RARB: variants seen among roughly 807,000 people sequenced by gnomAD.
The protein encoded by RARB is retinoic acid receptor beta, also known as HBV-activated protein.
A neutral mutation model predicts 51.9 loss-of-function variants in RARB; 17 were observed. The ratio of observed to expected loss-of-function variants is 0.33; its 90% CI spans 0.22 to 0.49. The LOEUF (loss-of-function observed/expected upper bound fraction) is 0.49. Ranked by LOEUF, RARB falls within the 20% of genes least tolerant of loss-of-function variation. The pLI is 0.99. For synonymous variants in RARB, 215 were observed against 195.4 expected (o/e 1.10, Z -0.84); for missense variants, 369 against 550.8 (o/e 0.67, Z 3.30).
Position 25,596,535 on chromosome 3 carries a change from G to C in RARB, c.1266G>C (p.Gly422=), listed in dbSNP as rs1701840046. Residue 422 remains glycine (G), a synonymous_variant, in exon 8 of 8, where the codon GGG becomes GGC. Transcript: ENST00000330688. The stretch of plus-strand genomic sequence containing the variant: ...AACCCTTGACCCCAAGTTCAAGTGG[G>C]AACACAGCAGAGCACAGTCCTAGCA... ...GHEPLTPSSS[G]NTAEHSPSIS... 6.2e-7 allele frequency: 1 copy of C among 1,613,778 alleles called. No homozygotes were observed. Among genetic ancestry groups the C allele is most frequent in the Non-Finnish European group, 8.5e-7 (1 of 1,179,764 alleles).
At chr3:25,477,295 C>T (rs1368351508) in intron 2 of RARB, among the ~76,000 whole-genome samples, 2 of 152,228 alleles carry the variant, frequency 1.3e-5, no homozygotes, top group Non-Finnish European at 2.9e-5. Context: ...TGCCATGCTG[C>T]TCTTGGGCAT....
intron 3 of RARB, among the ~76,000 whole-genome samples, chr3:25,502,644 C>T (rs966263908): frequency 2.6e-5 from 4 of 152,106 alleles, no homozygotes; most frequent in African/African-American, 7.2e-5. Flanking sequence ...ATGTTCCAGC[C>T]GCATGCGTGA....
chr3:25,142,285 G>C (rs902512752), intron 4 of RARB, among the ~76,000 whole-genome samples: 4 of 152,154 alleles, frequency 2.6e-5, no homozygotes, highest in South Asian at 2.1e-4. Flanking sequence ...AGTTAACCTA[G>C]ATCGTGCCAC....
chr3:24,875,360 A>C (rs2125352461), intron 2 of RARB, among the ~76,000 whole-genome samples: 1 of 152,252 alleles, frequency 6.6e-6, no homozygotes, highest in East Asian at 1.9e-4. Flanking sequence ...ACAGTAATTT[A>C]GCATTCTGGC....
In RARB at chr3:25,428,900, T is replaced by C; in HGVS notation, c.157+12T>C. On this transcript the variant is annotated intron_variant, in intron 1 of 7. Transcript: ENST00000330688. ...GCACACTGCTCAATGTAGGTTTATT[T>C]TTTTCCCTTCTTCTACCAAGAAAAA... 6.3e-7 allele frequency: 1 copy of C among 1,585,778 alleles called. No homozygotes were observed. The highest frequency in any genetic ancestry group is 1.1e-5 in the South Asian group (1 of 88,210).
At chr3:25,143,395 C>T (rs1359451247) in intron 4 of RARB, among the ~76,000 whole-genome samples, 1 of 152,168 alleles carries the variant, frequency 6.6e-6, no homozygotes, top group Non-Finnish European at 1.5e-5. Context: ...CTCTAGTACA[C>T]AACTTAGCCA....
rs1705808023 is a variant in RARB, at chr3:25,358,107, C to T, written c.179-103086C>T. On this transcript the variant is annotated intron_variant, in intron 5 of 11. Coordinates refer to the RARB transcript ENST00000383772. ...TATCACGATATTGATTCTTCCTATC[C>T]ATGAGCATGGAGTGTTTTTCCATTT... is the stretch of plus-strand genomic sequence containing the variant. Among the ~76,000 whole-genome samples the T allele has an allele frequency of 1.3e-5, 2 of 152,152 alleles. 1 individual carries two copies. The highest frequency in any genetic ancestry group is 4.1e-4 in the South Asian group (2 of 4,826).
intron 5 of RARB, among the ~76,000 whole-genome samples, chr3:25,330,420 C>T (rs1478764539): frequency 6.6e-6 from 1 of 152,094 alleles, no homozygotes; most frequent in Non-Finnish European, 1.5e-5. Flanking sequence ...AACTAAGCTT[C>T]ATAAGTGAAG....
rs115174113 is a variant in RARB at position 25,069,912 on chromosome 3, T to C, written c.-328+9736T>C. Among the ~76,000 whole-genome samples the C allele has an allele frequency of 6.8e-3, 1,039 of 152,308 alleles. 12 individuals are homozygous for C. Among genetic ancestry groups the C allele is most frequent in the African/African-American group, 0.022 (920 of 41,564 alleles). On this transcript the variant is annotated intron_variant, in intron 3 of 11. Transcript: ENST00000383772. ...ACACAGTGAGGCTGAATTGTCAGTG[T>C]AGTTTCCTAGGGCTGTCATGACGAA...
chr3:25,508,164 T>C (rs1360637865), intron 3 of RARB, among the ~76,000 whole-genome samples: 1 of 152,228 alleles, frequency 6.6e-6, no homozygotes, highest in Non-Finnish European at 1.5e-5. Context: ...AATAGAGCAA[T>C]TGAATAATCT....
At chr3:25,297,146 A>G (rs1393095988) in intron 5 of RARB, among the ~76,000 whole-genome samples, 1 of 152,204 alleles carries the variant, frequency 6.6e-6, no homozygotes, top group Non-Finnish European at 1.5e-5. Flanking sequence ...TGGTATGCAA[A>G]ATGGTATGTT....
At chr3:25,158,855 T>C (rs1700423180) in intron 4 of RARB, among the ~76,000 whole-genome samples, 1 of 152,116 alleles carries the variant, frequency 6.6e-6, no homozygotes, top group Admixed American at 6.5e-5. Flanking sequence ...GTTTTCTAGG[T>C]CCTCAGAGTT....
intron 5 of RARB, among the ~76,000 whole-genome samples, chr3:25,193,839 A>G (rs1398128427): frequency 6.6e-6 from 1 of 152,032 alleles, no homozygotes; most frequent in Non-Finnish European, 1.5e-5. Context: ...TTTATATGAC[A>G]TATACACTAT....
intron 5 of RARB, among the ~76,000 whole-genome samples, chr3:25,307,011 G>C (rs1704169357): frequency 6.6e-6 from 1 of 152,164 alleles, no homozygotes; most frequent in Non-Finnish European, 1.5e-5. Flanking sequence ...ACTAGTGCCA[G>C]AGACTTAAGT....
intron 2 of RARB, among the ~76,000 whole-genome samples, chr3:24,965,930 G>C (rs1282575861): frequency 6.6e-6 from 1 of 152,068 alleles, no homozygotes; most frequent in Non-Finnish European, 1.5e-5. Flanking sequence ...AAAGTAACGT[G>C]GTATTAGTGT....
At chr3:24,847,705 T>C (rs1279924007) in intron 1 of RARB, among the ~76,000 whole-genome samples, 1 of 152,218 alleles carries the variant, frequency 6.6e-6, no homozygotes, top group Non-Finnish European at 1.5e-5. Flanking sequence ...GCCACCATAA[T>C]TGTAGGCCAT....
At chr3:25,160,223 A>C (rs567966355) in intron 4 of RARB, among the ~76,000 whole-genome samples, 1 of 152,360 alleles carries the variant, frequency 6.6e-6, no homozygotes, top group East Asian at 1.9e-4. Flanking sequence ...CAGATAAATA[A>C]ATGACCTTAC....
intron 2 of RARB, among the ~76,000 whole-genome samples, chr3:24,927,768 ATGAC>A (rs1173210389): frequency 6.6e-6 from 1 of 152,066 alleles, no homozygotes; most frequent in Non-Finnish European, 1.5e-5. Flanking sequence ...TTAAAATAGA[ATGAC>A]TGAAGCCGAT....
chr3:25,365,721 T>A (rs998243580), intron 5 of RARB, among the ~76,000 whole-genome samples: 1 of 152,208 alleles, frequency 6.6e-6, no homozygotes, highest in Non-Finnish European at 1.5e-5. Context: ...AAGGTTGAGA[T>A]TGTGGACTAA....
Sources: allele counts gnomAD v4.1 joint callset (sites outside exome capture counted in the v4.1 genomes callset), GRCh38; gene constraint gnomAD v4.1.1; transcripts MANE v1.5; gene names NCBI Gene and HGNC (gene_info 2026-07-23, HGNC 2026-07-21).